The following NHEJ1 variants were observed in gnomAD, a reference collection of about 807,000 sequenced individuals.
NHEJ1 encodes non-homologous end-joining factor 1.
In NHEJ1, 22 loss-of-function variants were observed where a neutral mutation model predicts 39.4. That is an observed-to-expected ratio of 0.56 (90% confidence interval 0.40 to 0.80). The LOEUF is 0.80. NHEJ1 is among the 30% of genes least tolerant of loss of function. NHEJ1 has a pLI of 0.00. For missense variants in NHEJ1, 329 were observed against 357.1 expected (o/e 0.92, Z 0.63); for synonymous variants, 154 against 135.6 (o/e 1.14, Z -0.94).
At chr2:219,090,177 G>A (rs1024662490) in intron 5 of NHEJ1, among the ~76,000 whole-genome samples, 1 of 152,192 alleles carries the variant, frequency 6.6e-6, no homozygotes, top group African/African-American at 2.4e-5. Flanking sequence ...TCCCTTGAGA[G>A]TTCCATGCAC....
At chr2:219,079,024 T>C (rs1433502508) in intron 5 of NHEJ1, among the ~76,000 whole-genome samples, 23 of 152,234 alleles carry the variant, frequency 1.5e-4, no homozygotes, top group Admixed American at 1.5e-3. Context: ...TATGATTACA[T>C]TATATTTATC....
At chr2:219,154,405 T>C (rs1949829384) in intron 3 of NHEJ1, among the ~76,000 whole-genome samples, 1 of 152,192 alleles carries the variant, frequency 6.6e-6, no homozygotes, top group South Asian at 2.1e-4. Flanking sequence ...GGGAACGGGG[T>C]AGAAAGATCT....
chr2:219,154,396 G>T (rs373875270), intron 3 of NHEJ1, among the ~76,000 whole-genome samples: 1 of 152,138 alleles, frequency 6.6e-6, no homozygotes, highest in Non-Finnish European at 1.5e-5. Context: ...GAGGGACTAG[G>T]GAACGGGGTA....
chr2:219,117,989 C>A (rs1949432042), intron 5 of NHEJ1, among the ~76,000 whole-genome samples: 1 of 152,194 alleles, frequency 6.6e-6, no homozygotes. Context: ...GCAAATACAG[C>A]CTTTTTAATA....
chr2:219,123,798 G>A lies in NHEJ1; in HGVS notation c.588+22882C>T, dbSNP rs73072502. ...ACCCACACTCAAGAGGAACAGAGAG[G>A]CCTGTAGGCCTAGCCCAAGCTGAGG... On this transcript the variant is annotated intron_variant, in intron 5 of 7. Transcript: ENST00000356853. Among the ~76,000 whole-genome samples the A allele has an allele frequency of 3.3e-3, 497 of 152,300 alleles. 4 individuals carry two copies. Among genetic ancestry groups the A allele is most frequent in the African/African-American group, 0.011 (449 of 41,560 alleles).
Position 219,069,445 on chromosome 2 carries a change from T to A in NHEJ1, c.*6936A>T, listed in dbSNP as rs1948936673. On this transcript the variant is annotated 3_prime_UTR_variant, in exon 8 of 8. Coordinates refer to ENST00000356853, the MANE Select transcript of NHEJ1 (RefSeq NM_024782.3). ...CTTCAGGGTTTCTCACCTAGGGTGC[T>A]CTGTGATGACTCAGGGACTGGCCTG... 6.6e-6 allele frequency: 1 copy of A among 152,246 alleles called. No individual in the cohort carries two copies. Among genetic ancestry groups the A allele is most frequent in the Admixed American group, 6.5e-5 (1 of 15,284 alleles). 9.4% of individuals were successfully genotyped at this position (152,246 alleles called of 1,614,324 possible).
intron 5 of NHEJ1, among the ~76,000 whole-genome samples, chr2:219,121,109 G>A (rs980600078): frequency 6.6e-6 from 1 of 152,038 alleles, no homozygotes; most frequent in Non-Finnish European, 1.5e-5. Context: ...GGGAGGCTAA[G>A]GCACCAGAAT....
intron 5 of NHEJ1, among the ~76,000 whole-genome samples, chr2:219,107,481 T>A (rs1157677925): frequency 6.6e-6 from 1 of 152,136 alleles, no homozygotes; most frequent in Non-Finnish European, 1.5e-5. Flanking sequence ...CCAGGGCAGA[T>A]GACAGGAACA....
At chr2:219,155,119 CAT>C (rs1949840744) in intron 3 of NHEJ1, among the ~76,000 whole-genome samples, 1 of 151,664 alleles carries the variant, frequency 6.6e-6, no homozygotes, top group Non-Finnish European at 1.5e-5. Flanking sequence ...AATCACACTA[CAT>C]ATTCCGCATT....
At position 219,076,326 on chromosome 2, in the gene NHEJ1, T is replaced by C; in HGVS notation, c.*55A>G. ...GCTGCCATGTAAGCTTCTTTCAAGG[T>C]GAAGCTTGGAAGCTGTTCTCCAAGT... is the stretch of plus-strand genomic sequence containing the variant. On this transcript the variant is annotated 3_prime_UTR_variant, in exon 8 of 8. Transcript: ENST00000356853. 1 of 1,614,012 alleles carries C rather than the reference T, an allele frequency of 6.2e-7. No homozygotes were observed. The highest frequency in any genetic ancestry group is 8.5e-7 in the Non-Finnish European group (1 of 1,179,968).
chr2:219,152,633 A>T (rs1020967686), intron 3 of NHEJ1, among the ~76,000 whole-genome samples: 2 of 151,140 alleles, frequency 1.3e-5, no homozygotes, highest in Non-Finnish European at 3.0e-5. Context: ...TATTTTTTTT[A>T]TTTTTTTATT....
chr2:219,127,017 G>A (rs896277364), intron 5 of NHEJ1, among the ~76,000 whole-genome samples: 1 of 152,188 alleles, frequency 6.6e-6, no homozygotes, highest in African/African-American at 2.4e-5. Context: ...CAGAAGAGTA[G>A]CAGACGAAGC....
intron 7 of NHEJ1, among the ~76,000 whole-genome samples, chr2:219,076,975 T>C (rs769995696): frequency 6.6e-6 from 1 of 152,180 alleles, no homozygotes; most frequent in Admixed American, 6.5e-5. Context: ...TGACTATCAC[T>C]GGTCATCACT....
chr2:219,079,813 G>C (rs1414688100), intron 5 of NHEJ1, among the ~76,000 whole-genome samples: 1 of 152,164 alleles, frequency 6.6e-6, no homozygotes, highest in Non-Finnish European at 1.5e-5. Flanking sequence ...GAGCCCTGAT[G>C]GTGGGGAGGC....
At chr2:219,099,061 A>G (rs548606811) in intron 5 of NHEJ1, among the ~76,000 whole-genome samples, 1 of 152,160 alleles carries the variant, frequency 6.6e-6, no homozygotes, top group Admixed American at 6.5e-5. Context: ...TGTAGGATTA[A>G]AGGAATGTTG....
intron 5 of NHEJ1, among the ~76,000 whole-genome samples, chr2:219,092,802 C>G (rs1198398080): frequency 6.6e-6 from 1 of 152,170 alleles, no homozygotes. Context: ...AGTCAATGGT[C>G]TGCAGGAGTA....
intron 5 of NHEJ1, among the ~76,000 whole-genome samples, chr2:219,083,063 C>T (rs796472495): frequency 2.6e-5 from 4 of 152,318 alleles, no homozygotes; most frequent in South Asian, 2.1e-4. Context: ...ACTCCCCCTT[C>T]GCCAATCCAT....
At chr2:219,125,865 TC>T (rs1342711005) in intron 5 of NHEJ1, among the ~76,000 whole-genome samples, 2 of 152,244 alleles carry the variant, frequency 1.3e-5, no homozygotes, top group Non-Finnish European at 2.9e-5. Flanking sequence ...CCTTACTTGT[TC>T]CGTGGCTGAG....
intron 5 of NHEJ1, among the ~76,000 whole-genome samples, chr2:219,117,126 G>A (rs758311733): frequency 7.9e-5 from 12 of 151,946 alleles, no homozygotes; most frequent in Non-Finnish European, 1.2e-4. Flanking sequence ...TGCCTGCATC[G>A]CCTTTACAAG....
Sources: allele counts gnomAD v4.1 joint callset (sites outside exome capture counted in the v4.1 genomes callset), GRCh38; gene constraint gnomAD v4.1.1; transcripts MANE v1.5; gene names NCBI Gene and HGNC (gene_info 2026-07-23, HGNC 2026-07-21).